The following ITPR1 variants were observed in gnomAD, a reference collection of about 807,000 sequenced individuals.
ITPR1 encodes inositol 1,4,5-trisphosphate receptor type 1, also known as inositol 1,4,5-trisphosphate-gated calcium channel ITPR1.
ITPR1 carries 96 observed loss-of-function variants against 318.4 expected under a neutral mutation model. The observed-to-expected ratio is 0.30, with a 90% confidence interval of 0.26 to 0.36. The LOEUF (loss-of-function observed/expected upper bound fraction) is 0.36. ITPR1 is among the 10% of genes least tolerant of loss of function. The pLI is 1.00. For missense variants in ITPR1, 2,440 were observed against 3,460.2 expected (o/e 0.71, Z 7.40); for synonymous variants, 1,312 against 1,289.9 (o/e 1.02, Z -0.37).
chr3:4,549,798 C>A (rs2085375720), intron 4 of ITPR1, among the ~76,000 whole-genome samples: 1 of 152,160 alleles, frequency 6.6e-6, no homozygotes, highest in African/African-American at 2.4e-5. Context: ...CTGTCTCTTT[C>A]TCTTGGGCCA....
At chr3:4,618,138 G>A (rs1199347905) in intron 4 of ITPR1, among the ~76,000 whole-genome samples, 2 of 152,068 alleles carry the variant, frequency 1.3e-5, no homozygotes, top group South Asian at 2.1e-4. Flanking sequence ...AGATAAAGAC[G>A]ATGGTTTTAC....
chr3:4,719,045 C>G (rs532822432), intron 40 of ITPR1, among the ~76,000 whole-genome samples: 8 of 152,214 alleles, frequency 5.3e-5, no homozygotes, highest in African/African-American at 1.9e-4. Context: ...ACTGTTTTGC[C>G]CCATAGTAAT....
At chr3:4,784,635 C>T (rs2047056693) in intron 51 of ITPR1, among the ~76,000 whole-genome samples, 1 of 147,846 alleles carries the variant, frequency 6.8e-6, no homozygotes. Flanking sequence ...AATCCCAACA[C>T]TTTGGGAGGC....
intron 53 of ITPR1, among the ~76,000 whole-genome samples, chr3:4,796,866 T>C (rs2047933119): frequency 6.6e-6 from 1 of 152,214 alleles, no homozygotes; most frequent in Admixed American, 6.5e-5. Flanking sequence ...TTAGAAAACT[T>C]TGATATGGCT....
rs534602699 is a variant in ITPR1 at position 4,503,242 on chromosome 3, G to A, written c.-17+8736G>A. 4.6e-5 allele frequency among the ~76,000 whole-genome samples: 7 copies of A among 152,276 alleles called. No homozygotes were observed. The South Asian group carries it at 1.4e-3, about 32-fold the overall frequency. ...GAAACTGTTGAGTATTCATAAAAGG[G>A]AGTGGAAAAATCAGGTAGTGAAACC... On this transcript the variant is annotated intron_variant, in intron 2 of 61. Transcript: ENST00000649015.
In ITPR1 at chr3:4,667,505, G is replaced by A. The variant is rs1476951417; in HGVS notation, c.1842G>A (p.Glu614=). The A allele has an allele frequency of 1.9e-6, 3 of 1,613,732 alleles. No individual in the cohort carries two copies. Among genetic ancestry groups the A allele is most frequent in the East Asian group, 2.2e-5 (1 of 44,888 alleles). Residue 614 remains glutamate (E), a synonymous_variant, in exon 18 of 62, where the codon GAG becomes GAA. Transcript: ENST00000649015. ...TGGAAAAACACATTACCGCGGCAGA[G>A]ATTGACACATTTGTCAGCCTGGTGC... ...KLLEKHITAA[E]IDTFVSLVRK...
At chr3:4,535,305 G>C (rs912955184) in intron 4 of ITPR1, among the ~76,000 whole-genome samples, 5 of 152,000 alleles carry the variant, frequency 3.3e-5, no homozygotes, top group African/African-American at 1.2e-4. Context: ...ATTATTTCCA[G>C]TTGTCCCCTA....
intron 30 of ITPR1, among the ~76,000 whole-genome samples, chr3:4,686,298 T>G (rs950570956): frequency 6.6e-6 from 1 of 152,198 alleles, no homozygotes; most frequent in Non-Finnish European, 1.5e-5. Context: ...ATGGGGACCA[T>G]ATGAATCGGG....
chr3:4,679,316 G>A (rs1212045862), intron 24 of ITPR1, among the ~76,000 whole-genome samples: 2 of 152,196 alleles, frequency 1.3e-5, no homozygotes, highest in African/African-American at 4.8e-5. Flanking sequence ...TATGGGAATT[G>A]GCCTCACGCA....
At chr3:4,823,595 G>A (rs1446937292) in intron 60 of ITPR1, among the ~76,000 whole-genome samples, 1 of 152,028 alleles carries the variant, frequency 6.6e-6, no homozygotes, top group Non-Finnish European at 1.5e-5. Flanking sequence ...ATATGTGGGG[G>A]CTAAAAAAAA....
chr3:4,687,120 T>C (rs11709648), intron 30 of ITPR1, among the ~76,000 whole-genome samples: 40,548 of 152,194 alleles, frequency 0.27, 7,000 homozygotes, highest in East Asian at 0.78. Flanking sequence ...CCGAATCTAA[T>C]CCACCACCTG....
chr3:4,725,130 C>T (rs943350539), intron 40 of ITPR1, among the ~76,000 whole-genome samples: 1 of 151,872 alleles, frequency 6.6e-6, no homozygotes, highest in Middle Eastern at 3.2e-3. Flanking sequence ...CCTTGGGCCC[C>T]TGCTTTCATC....
At chr3:4,502,962 G>A (rs2081134734) in intron 2 of ITPR1, among the ~76,000 whole-genome samples, 1 of 152,014 alleles carries the variant, frequency 6.6e-6, no homozygotes, top group South Asian at 2.1e-4. Flanking sequence ...GTGGGCACCT[G>A]TAGTCCCAGC....
At chr3:4,776,272 A>G (rs1347534837) in intron 47 of ITPR1, among the ~76,000 whole-genome samples, 1 of 152,146 alleles carries the variant, frequency 6.6e-6, no homozygotes, top group African/African-American at 2.4e-5. Context: ...GGGTTTCACC[A>G]TATTGGCCAG....
At chr3:4,592,681 C>T (rs1381440350) in intron 4 of ITPR1, among the ~76,000 whole-genome samples, 1 of 152,140 alleles carries the variant, frequency 6.6e-6, no homozygotes, top group East Asian at 1.9e-4. Context: ...ATGTCCACAC[C>T]ATCGTCTGCA....
rs199705361 is a variant in ITPR1 at position 4,681,604 on chromosome 3, TGA to T, written c.3161+203_3161+204del. Among the ~76,000 whole-genome samples, 698 of 99,046 alleles carry T rather than the reference TGA, an allele frequency of 7.0e-3. 7 individuals are homozygous for T. Among genetic ancestry groups the T allele is most frequent in the African/African-American group, 0.022 (562 of 25,876 alleles). The allele number at this position is 99,046 out of a possible 152,430, so 65.0% of individuals were successfully genotyped here. ...GGCTTGATTGGGAGGAGAGAGAGAGTGAGAGAGAGAGAGAGAGAAAGTGTGTG... is the reference window on the plus strand; with the variant it reads ...GGCTTGATTGGGAGGAGAGAGAGAGTGAGAGAGAGAGAGAGAAAGTGTGTG... On this transcript the variant is annotated intron_variant, in intron 26 of 61. Transcript: ENST00000649015.
At chr3:4,767,412 C>T (rs1206574421) in intron 45 of ITPR1, among the ~76,000 whole-genome samples, 3 of 152,250 alleles carry the variant, frequency 2.0e-5, no homozygotes, top group Non-Finnish European at 4.4e-5. Context: ...GGCAAAATCA[C>T]CCCTGGCTGA....
chr3:4,529,709 G>A (rs557786855), intron 4 of ITPR1, among the ~76,000 whole-genome samples: 6 of 152,108 alleles, frequency 3.9e-5, no homozygotes, highest in African/African-American at 2.4e-5. Context: ...ATTTTTTTTG[G>A]TTCCATCACC....
In ITPR1 at chr3:4,623,076, A is replaced by G. The variant is rs192931870; in HGVS notation, c.164-4687A>G. 7.2e-5 allele frequency among the ~76,000 whole-genome samples: 11 copies of G among 152,154 alleles called. No individual in the cohort carries two copies. The East Asian group carries it at 2.1e-3, about 29-fold the overall frequency. On this transcript the variant is annotated intron_variant, in intron 4 of 61. Coordinates refer to ENST00000649015, the MANE Select transcript of ITPR1 (RefSeq NM_001378452.1). ...GGTCGGCTGACTTTTTTGCTTTCTC[A>G]CTTTGCTTCTGCCCCAACCCAGAGT...
Sources: allele counts gnomAD v4.1 joint callset (sites outside exome capture counted in the v4.1 genomes callset), GRCh38; gene constraint gnomAD v4.1.1; transcripts MANE v1.5; gene names NCBI Gene and HGNC (gene_info 2026-07-23, HGNC 2026-07-21).